Variants in TDRD3 observed in about 807,000 individuals in gnomAD.
The protein encoded by TDRD3 is tudor domain-containing protein 3.
In TDRD3, 45 loss-of-function variants were observed where a neutral mutation model predicts 86.7. The ratio of observed to expected loss-of-function variants is 0.52; its 90% CI spans 0.41 to 0.67. The LOEUF is 0.67. Among genes scored for constraint, TDRD3 ranks in the 30% least tolerant of loss-of-function variants. The pLI, the probability that TDRD3 is intolerant of heterozygous loss-of-function variation, is 0.00. For synonymous variants in TDRD3, 298 were observed against 301.7 expected, an observed-to-expected ratio of 0.99 and a Z score of 0.13; for missense variants, 814 against 889.0, an observed-to-expected ratio of 0.92 and a Z score of 1.07.
chr13:60,542,381 C>G (rs1026912574), intron 12 of TDRD3, among the ~76,000 whole-genome samples: 5 of 152,080 alleles, frequency 3.3e-5, no homozygotes, highest in Non-Finnish European at 5.9e-5. Context: ...GGGCATGCAT[C>G]TTGACACTCA....
Position 60,460,524 on chromosome 13 carries a change from T to C in TDRD3, c.337T>C (p.Tyr113His). 6.4e-7 allele frequency: 1 copy of C among 1,554,930 alleles called. No individual in the cohort carries two copies. Among genetic ancestry groups the C allele is most frequent in the African/African-American group, 1.4e-5 (1 of 70,938 alleles). ...AAGTTGCACAGCAGTAGAATTTAGT[T>C]ATATGTCAAAAATAAGGTGATTGGC... is the stretch of plus-strand genomic sequence containing the variant. ...HISCTAVEFS[Y>H]MSKISLNTPP... The change falls in exon 4 of 14, where the codon TAT becomes CAT. Residue 113 changes from tyrosine to histidine, a missense_variant. Coordinates refer to ENST00000377881, the MANE Select transcript of TDRD3 (RefSeq NM_001146070.2).
At chr13:60,563,753 T>A (rs1958390511) in intron 12 of TDRD3, among the ~76,000 whole-genome samples, 1 of 152,238 alleles carries the variant, frequency 6.6e-6, no homozygotes, top group African/African-American at 2.4e-5. Flanking sequence ...TCTATTTAAG[T>A]GTGTTTCATA....
intron 12 of TDRD3, among the ~76,000 whole-genome samples, chr13:60,557,972 G>A (rs191141871): frequency 1.0e-3 from 158 of 151,874 alleles, no homozygotes; most frequent in African/African-American, 3.3e-3. Context: ...ATAGGCACAC[G>A]CCACCACGCC....
intron 10 of TDRD3, among the ~76,000 whole-genome samples, chr13:60,525,298 C>A (rs1169160070): frequency 1.3e-5 from 2 of 149,688 alleles, no homozygotes. Flanking sequence ...TTCACCCTCC[C>A]GAGTAGCTGG....
chr13:60,402,090 G>A (rs1954117440), intron 1 of TDRD3, among the ~76,000 whole-genome samples: 1 of 152,200 alleles, frequency 6.6e-6, no homozygotes, highest in African/African-American at 2.4e-5. Context: ...CTAATTCCTA[G>A]TTTTTGACCT....
chr13:60,566,066 G>A (rs1448300465), intron 12 of TDRD3, among the ~76,000 whole-genome samples: 1 of 152,134 alleles, frequency 6.6e-6, no homozygotes, highest in Non-Finnish European at 1.5e-5. Context: ...TTCTTTCAGT[G>A]ATGATAGGCC....
At chr13:60,420,888 G>C (rs1954637270) in intron 1 of TDRD3, among the ~76,000 whole-genome samples, 1 of 152,172 alleles carries the variant, frequency 6.6e-6, no homozygotes, top group Non-Finnish European at 1.5e-5. Flanking sequence ...AGCTTGCAGT[G>C]AGCCGAGATC....
intron 5 of TDRD3, among the ~76,000 whole-genome samples, chr13:60,471,235 G>T (rs1407905072): frequency 6.6e-6 from 1 of 152,066 alleles, no homozygotes; most frequent in South Asian, 2.1e-4. Flanking sequence ...ATTAGTAAAG[G>T]GTCCAAATTC....
At chr13:60,538,349 C>T (rs541908700) in intron 12 of TDRD3, among the ~76,000 whole-genome samples, 2 of 149,084 alleles carry the variant, frequency 1.3e-5, no homozygotes, top group African/African-American at 4.9e-5. Flanking sequence ...TGTTGTCATC[C>T]CTGATTTATT....
At chr13:60,524,932 C>G (rs1028006299) in intron 10 of TDRD3, among the ~76,000 whole-genome samples, 7 of 151,060 alleles carry the variant, frequency 4.6e-5, no homozygotes, top group Non-Finnish European at 1.0e-4. Context: ...ACTAAAAATA[C>G]AAAAATTAGC....
chr13:60,489,652 C>G (rs879337619), intron 7 of TDRD3, among the ~76,000 whole-genome samples: 1 of 152,154 alleles, frequency 6.6e-6, no homozygotes, highest in South Asian at 2.1e-4. Context: ...CTACTTGGCA[C>G]AAATCATAAC....
At chr13:60,402,906 T>G (rs1954140303) in intron 1 of TDRD3, among the ~76,000 whole-genome samples, 1 of 152,198 alleles carries the variant, frequency 6.6e-6, no homozygotes, top group Non-Finnish European at 1.5e-5. Flanking sequence ...GACATCCTTC[T>G]ATTTTGAAAT....
At chr13:60,558,557 A>C (rs1308644746) in intron 12 of TDRD3, among the ~76,000 whole-genome samples, 2 of 152,166 alleles carry the variant, frequency 1.3e-5, no homozygotes, top group Non-Finnish European at 2.9e-5. Context: ...TGTTGTTTCT[A>C]ACTGGTTTCT....
At position 60,397,532 on chromosome 13, in the gene TDRD3, C is replaced by T. The variant is rs555910488; in HGVS notation, c.41+127C>T. On this transcript the variant is annotated intron_variant, in intron 1 of 13. Coordinates refer to ENST00000377881, the MANE Select transcript of TDRD3 (RefSeq NM_001146070.2). ...CTGTCGTCCGCCCCCGGCCTCTCCC[C>T]GGGCCCTTCGGGCCGGCTCCGCCCC... 1,608 of 672,426 alleles carry T rather than the reference C, an allele frequency of 2.4e-3. 26 individuals are homozygous for T. The African/African-American group carries it at 0.027, about 11-fold the overall frequency. The allele number at this position is 672,426 out of a possible 1,614,324, so 41.7% of individuals were successfully genotyped here. A position where few individuals can be genotyped will look rare whatever the true frequency, so the allele number is the denominator to read the frequency against.
chr13:60,512,433 C>G (rs1245319357), intron 10 of TDRD3, among the ~76,000 whole-genome samples: 1 of 152,126 alleles, frequency 6.6e-6, no homozygotes, highest in African/African-American at 2.4e-5. Context: ...CATGCCTTCG[C>G]AACAGTCCGC....
At position 60,444,730 on chromosome 13, in the gene TDRD3, T is replaced by C; in HGVS notation, c.174T>C (p.Asn58=). The change falls in exon 3 of 14, where the codon AAT becomes AAC. Residue 58 remains asparagine (N), a synonymous_variant. Transcript: ENST00000377881. ...IGKKFLPSDI[N]SGKVEKLEGP... is the part of the protein sequence containing the mutation. ...AGAAATTCCTCCCCAGTGACATCAA[T>C]AGTGGAAAGGTAGAAAAGGTAAAGA... is the stretch of plus-strand genomic sequence containing the variant. The C allele has an allele frequency of 6.7e-7, 1 of 1,492,638 alleles. No individual in the cohort carries two copies. The highest frequency in any genetic ancestry group is 1.7e-4 in the Middle Eastern group (1 of 5,788). 92.5% of individuals were successfully genotyped at this position (1,492,638 alleles called of 1,614,324 possible).
intron 1 of TDRD3, among the ~76,000 whole-genome samples, chr13:60,419,024 A>AT (rs1209111399): frequency 2.6e-5 from 4 of 152,136 alleles, no homozygotes; most frequent in Non-Finnish European, 1.5e-5. Context: ...ATTTATAAGT[A>AT]TTTTTTGTGG....
chr13:60,431,042 G>A (rs973095279), intron 1 of TDRD3, among the ~76,000 whole-genome samples: 1 of 151,930 alleles, frequency 6.6e-6, no homozygotes, highest in Non-Finnish European at 1.5e-5. Flanking sequence ...TAGAAGAGAC[G>A]GGAAGAGAAA....
At chr13:60,435,033 A>G (rs1276544875) in intron 1 of TDRD3, among the ~76,000 whole-genome samples, 1 of 152,098 alleles carries the variant, frequency 6.6e-6, no homozygotes, top group Admixed American at 6.5e-5. Context: ...TTCATTGGTA[A>G]TATTGGAGTT....
Sources: gnomAD v4.1 joint callset for allele counts (sites outside exome capture counted in the v4.1 genomes callset) on GRCh38, gnomAD v4.1.1 for gene constraint, MANE v1.5 for transcripts, NCBI Gene and HGNC (gene_info 2026-07-23, HGNC 2026-07-21) for gene names.